Variants in MACROD2 observed in about 807,000 individuals in gnomAD.
MACROD2 encodes the protein ADP-ribose glycohydrolase MACROD2.
Under a neutral mutation model 70.4 loss-of-function variants are expected in MACROD2, and 36 were observed. The observed-to-expected ratio is 0.51, with a 90% CI of 0.39 to 0.68. The LOEUF is 0.68. Among genes scored for constraint, MACROD2 ranks in the 30% least tolerant of loss-of-function variants. MACROD2 has a pLI of 0.00. For missense variants in MACROD2, 496 were observed against 538.4 expected, an observed-to-expected ratio of 0.92 and a Z score of 0.78; for synonymous variants, 172 against 178.8, an observed-to-expected ratio of 0.96 and a Z score of 0.30.
At chr20:14,996,512 A>C (rs1165469955) in intron 5 of MACROD2, among the ~76,000 whole-genome samples, 1 of 152,168 alleles carries the variant, frequency 6.6e-6, no homozygotes, top group Admixed American at 6.5e-5. Context: ...AACAAATATC[A>C]ACCCAAGAAA....
chr20:15,940,689 T>G (rs926075231), intron 12 of MACROD2, among the ~76,000 whole-genome samples: 1 of 152,196 alleles, frequency 6.6e-6, no homozygotes, highest in Non-Finnish European at 1.5e-5. Flanking sequence ...AAAAGTATTT[T>G]TCAGTTAGAG....
At chr20:15,494,772 T>G (rs1330098855) in intron 7 of MACROD2, among the ~76,000 whole-genome samples, 1 of 127,238 alleles carries the variant, frequency 7.9e-6, no homozygotes, top group Non-Finnish European at 1.6e-5. Context: ...TGCGCGTGTG[T>G]GTGTGCGCGC....
At chr20:15,189,475 T>C (rs1490616699) in intron 5 of MACROD2, among the ~76,000 whole-genome samples, 1 of 152,178 alleles carries the variant, frequency 6.6e-6, no homozygotes, top group Non-Finnish European at 1.5e-5. Context: ...TAGCTGTGTT[T>C]GTTTCCCTTG....
In MACROD2 at chr20:15,507,803, A is replaced by G. The variant is rs561847938; in HGVS notation, c.645+7956A>G. Among the ~76,000 whole-genome samples the G allele has an allele frequency of 3.5e-3, 531 of 152,328 alleles. 3 individuals carry two copies. The highest frequency in any genetic ancestry group is 0.012 in the African/African-American group (502 of 41,578). The stretch of plus-strand genomic sequence containing the variant: ...ATTGGCATAATGAGGTTTTGGAGCC[A>G]GAAACTAAAGCCCCAAGACAACATC... On this transcript the variant is annotated intron_variant, in intron 8 of 17. Coordinates refer to ENST00000684519, the MANE Select transcript of MACROD2 (RefSeq NM_001351661.2).
chr20:15,497,509 C>T (rs1168497785), intron 7 of MACROD2, among the ~76,000 whole-genome samples: 4 of 152,112 alleles, frequency 2.6e-5, no homozygotes, highest in Admixed American at 1.3e-4. Flanking sequence ...CCAGGCTGGT[C>T]TTGAGCTCCT....
chr20:14,926,755 G>A (rs2423851), intron 5 of MACROD2, among the ~76,000 whole-genome samples: 6,437 of 152,144 alleles, frequency 0.042, 182 homozygotes, highest in Non-Finnish European at 0.063. Flanking sequence ...CCCTTTTTGA[G>A]GAGGAAAAAA....
intron 8 of MACROD2, among the ~76,000 whole-genome samples, chr20:15,848,555 C>T (rs1450519311): frequency 6.6e-6 from 1 of 152,074 alleles, no homozygotes; most frequent in African/African-American, 2.4e-5. Flanking sequence ...ACTTAATAGC[C>T]CTCAGGAATA....
At chr20:15,949,836 A>AT (rs1418605909) in intron 12 of MACROD2, among the ~76,000 whole-genome samples, 1 of 152,190 alleles carries the variant, frequency 6.6e-6, no homozygotes, top group African/African-American at 2.4e-5. Context: ...CAGAATAATT[A>AT]TACCAGAATT....
chr20:14,381,590 C>T (rs2083420637), intron 3 of MACROD2, among the ~76,000 whole-genome samples: 1 of 152,114 alleles, frequency 6.6e-6, no homozygotes, highest in Non-Finnish European at 1.5e-5. Flanking sequence ...TTATTTATCA[C>T]TTACAAGGAA....
At chr20:14,007,304 A>T (rs2052836943) in intron 2 of MACROD2, among the ~76,000 whole-genome samples, 1 of 152,118 alleles carries the variant, frequency 6.6e-6, no homozygotes, top group East Asian at 1.9e-4. Flanking sequence ...CATTCCCTAA[A>T]ATCCTCCACA....
At chr20:15,684,802 A>T (rs2050205219) in intron 8 of MACROD2, among the ~76,000 whole-genome samples, 1 of 152,168 alleles carries the variant, frequency 6.6e-6, no homozygotes, top group African/African-American at 2.4e-5. Context: ...CCATTTTTAA[A>T]ATTTCTTGGC....
intron 5 of MACROD2, among the ~76,000 whole-genome samples, chr20:15,112,708 A>G (rs2075964067): frequency 1.3e-5 from 2 of 152,150 alleles, no homozygotes; most frequent in African/African-American, 4.8e-5. Flanking sequence ...GTACATTCAC[A>G]CGGTAGTGCG....
chr20:15,277,853 C>T (rs945321511), intron 6 of MACROD2, among the ~76,000 whole-genome samples: 3 of 152,002 alleles, frequency 2.0e-5, no homozygotes, highest in Non-Finnish European at 1.5e-5. Context: ...GGAGGTGAGT[C>T]GCAGACTCAT....
At chr20:15,271,735 T>C (rs1180072982) in intron 6 of MACROD2, among the ~76,000 whole-genome samples, 1 of 152,208 alleles carries the variant, frequency 6.6e-6, no homozygotes, top group Non-Finnish European at 1.5e-5. Flanking sequence ...TGCCTTACTC[T>C]TCCCTATTCA....
At chr20:14,853,212 T>C (rs1243628908) in intron 5 of MACROD2, among the ~76,000 whole-genome samples, 1 of 150,218 alleles carries the variant, frequency 6.7e-6, no homozygotes, top group Non-Finnish European at 1.5e-5. Context: ...TAAATGGGGA[T>C]AGAGAAGCAA....
chr20:15,563,873 C>G (rs924881822), intron 8 of MACROD2, among the ~76,000 whole-genome samples: 1 of 152,144 alleles, frequency 6.6e-6, no homozygotes, highest in Non-Finnish European at 1.5e-5. Context: ...AAACTGTTTT[C>G]CATGCATATG....
intron 3 of MACROD2, among the ~76,000 whole-genome samples, chr20:14,244,611 C>G (rs915409260): frequency 6.6e-6 from 1 of 152,188 alleles, no homozygotes; most frequent in Non-Finnish European, 1.5e-5. Context: ...TGTCCTTTTT[C>G]TGGCCTCCTT....
intron 8 of MACROD2, among the ~76,000 whole-genome samples, chr20:15,507,227 C>T (rs2047436704): frequency 6.6e-6 from 1 of 150,642 alleles, no homozygotes; most frequent in African/African-American, 2.5e-5. Context: ...TTATTTTTCT[C>T]TCCCTCTCTC....
At chr20:15,898,782 T>C (rs756553459) in intron 10 of MACROD2, among the ~76,000 whole-genome samples, 3 of 151,938 alleles carry the variant, frequency 2.0e-5, no homozygotes, top group Non-Finnish European at 4.4e-5. Flanking sequence ...CACTTTATCA[T>C]TTCGGTTTCA....
Sources: allele counts gnomAD v4.1 joint callset (sites outside exome capture counted in the v4.1 genomes callset), GRCh38; gene constraint gnomAD v4.1.1; transcripts MANE v1.5; gene names NCBI Gene and HGNC (gene_info 2026-07-23, HGNC 2026-07-21).